The following UBL3 variants were observed in gnomAD, a reference collection of about 807,000 sequenced individuals.
The protein encoded by UBL3 is ubiquitin-like protein 3.
UBL3 carries 6 observed loss-of-function variants against 18.4 expected under a neutral mutation model. That is an observed-to-expected ratio of 0.33 (90% CI 0.18 to 0.64). The LOEUF (loss-of-function observed/expected upper bound fraction) is 0.64, where lower values mean the gene tolerates loss of function less well. UBL3 is among the 30% of genes least tolerant of loss of function. The probability of loss-of-function intolerance (pLI) is 0.76; values close to 1 mark genes in which losing one functional copy is unlikely to be tolerated. For missense variants in UBL3, 109 were observed against 142.9 expected, an observed-to-expected ratio of 0.76 and a Z score of 1.21; for synonymous variants, 49 against 46.6, an observed-to-expected ratio of 1.05 and a Z score of -0.21.
chr13:29,817,269 TA>T (rs1453657779), intron 1 of UBL3, among the ~76,000 whole-genome samples: 8 of 152,240 alleles, frequency 5.3e-5, no homozygotes, highest in African/African-American at 1.9e-4. Context: ...CATAGCTTGG[TA>T]TGCAACACGC....
chr13:29,849,440 C>T, intron 1 of UBL3, 72 bp downstream of exon 1: 1 of 1,606,736 alleles, frequency 6.2e-7, no homozygotes. Flanking sequence ...TCGCCCCACG[C>T]CTGCCGTCTT....
At chr13:29,780,439 T>C (rs1877125714) in intron 1 of UBL3, among the ~76,000 whole-genome samples, 1 of 145,588 alleles carries the variant, frequency 6.9e-6, no homozygotes, top group Admixed American at 6.9e-5. Flanking sequence ...TATATATATA[T>C]AGCAAATAAG....
At chr13:29,836,329 A>G (rs1331161313) in intron 1 of UBL3, among the ~76,000 whole-genome samples, 1 of 151,068 alleles carries the variant, frequency 6.6e-6, no homozygotes, top group Non-Finnish European at 1.5e-5. Context: ...CCAATTCTAC[A>G]GCACAAAACA....
At chr13:29,768,930 C>T (rs190865775) in intron 3 of UBL3, among the ~76,000 whole-genome samples, 17 of 152,166 alleles carry the variant, frequency 1.1e-4, no homozygotes, top group South Asian at 2.1e-4. Context: ...TTCTCATACC[C>T]GTCTTCTTGA....
chr13:29,821,463 T>TTTGCCAGA (rs1316480270), intron 1 of UBL3, among the ~76,000 whole-genome samples: 6 of 152,330 alleles, frequency 3.9e-5, no homozygotes, highest in African/African-American at 1.2e-4. Context: ...GGAAGCCAGA[T>TTTGCCAGA]GTAATACCTT....
intron 1 of UBL3, among the ~76,000 whole-genome samples, chr13:29,780,353 C>CAA (rs71746248): frequency 7.0e-3 from 59 of 8,402 alleles, no homozygotes; most frequent in African/African-American, 9.7e-3. Context: ...GACTCTGTCT[C>CAA]AAAAAAAAAA....
At chr13:29,807,817 A>G (rs1877934605) in intron 1 of UBL3, among the ~76,000 whole-genome samples, 1 of 152,244 alleles carries the variant, frequency 6.6e-6, no homozygotes, top group African/African-American at 2.4e-5. Context: ...TTGGCAAGAC[A>G]GAAACCAAAA....
At chr13:29,813,388 A>G (rs887000012) in intron 1 of UBL3, among the ~76,000 whole-genome samples, 1 of 152,050 alleles carries the variant, frequency 6.6e-6, no homozygotes, top group African/African-American at 2.4e-5. Flanking sequence ...GAAAAAAGTA[A>G]TTATCTTCAG....
intron 1 of UBL3, among the ~76,000 whole-genome samples, chr13:29,810,387 A>C (rs1344243088): frequency 6.6e-6 from 1 of 152,130 alleles, no homozygotes; most frequent in Non-Finnish European, 1.5e-5. Flanking sequence ...GCTCTGAAGA[A>C]GGCTAATATT....
chr13:29,767,319 G>A lies in UBL3; in HGVS notation c.302-12C>T, dbSNP rs376716758. 12 of 1,612,804 alleles carry A rather than the reference G, an allele frequency of 7.4e-6. No individual in the cohort carries two copies. The highest frequency in any genetic ancestry group is 2.7e-5 in the African/African-American group (2 of 74,858). ...ACGATTCCTCTGACCTAGGGAAAACGAAGAAGAGCCTCGTTTATAAAAATT... is the reference window on the plus strand; with the variant it reads ...ACGATTCCTCTGACCTAGGGAAAACAAAGAAGAGCCTCGTTTATAAAAATT... On this transcript the variant is annotated splice_polypyrimidine_tract_variant and intron_variant, in intron 4 of 4. Coordinates refer to ENST00000380680, the MANE Select transcript of UBL3 (RefSeq NM_007106.4).
At chr13:29,847,014 G>A (rs1413883303) in intron 1 of UBL3, among the ~76,000 whole-genome samples, 2 of 152,186 alleles carry the variant, frequency 1.3e-5, no homozygotes, top group Non-Finnish European at 2.9e-5. Context: ...TGTCATGAAT[G>A]TAAACTAAAA....
chr13:29,799,240 TA>T (rs1165679750), intron 1 of UBL3, among the ~76,000 whole-genome samples: 2 of 151,924 alleles, frequency 1.3e-5, no homozygotes, highest in Admixed American at 6.6e-5. Flanking sequence ...GTTGTGGCAA[TA>T]AAAAAAAGTA....
intron 1 of UBL3, among the ~76,000 whole-genome samples, chr13:29,798,994 A>G (rs568880063): frequency 3.3e-4 from 51 of 152,300 alleles, no homozygotes; most frequent in African/African-American, 1.2e-3. Context: ...TATCTTGCCA[A>G]AGGTAAGTGG....
At chr13:29,807,280 C>T (rs562594133) in intron 1 of UBL3, among the ~76,000 whole-genome samples, 3 of 152,300 alleles carry the variant, frequency 2.0e-5, no homozygotes, top group Admixed American at 6.5e-5. Context: ...ACCTTGGACT[C>T]TCCTAGTCCT....
At chr13:29,812,076 A>T (rs1878103910) in intron 1 of UBL3, among the ~76,000 whole-genome samples, 1 of 151,996 alleles carries the variant, frequency 6.6e-6, no homozygotes, top group Non-Finnish European at 1.5e-5. Context: ...TCAATTTGTA[A>T]AAGGCCTAGC....
chr13:29,771,934 C>T (rs1453330570), intron 3 of UBL3, among the ~76,000 whole-genome samples, 178 bp downstream of exon 3: 2 of 151,914 alleles, frequency 1.3e-5, no homozygotes, highest in African/African-American at 4.8e-5. Flanking sequence ...TACTACAGTC[C>T]TAAAACTAAA....
At chr13:29,772,058 G>C in intron 3 of UBL3, 54 bp downstream of exon 3, 1 of 1,434,228 alleles carries the variant, frequency 7.0e-7, no homozygotes. Context: ...TAAAACAAGC[G>C]AATCATGCTA....
At chr13:29,805,477 C>T (rs1289473984) in intron 1 of UBL3, among the ~76,000 whole-genome samples, 1 of 152,210 alleles carries the variant, frequency 6.6e-6, no homozygotes, top group Non-Finnish European at 1.5e-5. Context: ...AAAGCATGGG[C>T]ATCTCCACTT....
chr13:29,797,645 C>T (rs1476837703), intron 1 of UBL3, among the ~76,000 whole-genome samples: 4 of 152,112 alleles, frequency 2.6e-5, no homozygotes, highest in Non-Finnish European at 5.9e-5. Flanking sequence ...CCTTTTATGA[C>T]TACTGCAAAG....
Sources: gnomAD v4.1 joint callset for allele counts (sites outside exome capture counted in the v4.1 genomes callset) on GRCh38, gnomAD v4.1.1 for gene constraint, MANE v1.5 for transcripts, NCBI Gene and HGNC (gene_info 2026-07-23, HGNC 2026-07-21) for gene names.